Variants in PALLD observed in about 807,000 individuals in gnomAD.
PALLD encodes palladin, cytoskeletal associated protein, also known as palladin.
A neutral mutation model predicts 123.5 loss-of-function variants in PALLD; 61 were observed. The observed-to-expected ratio is 0.49, with a 90% CI of 0.40 to 0.61. The LOEUF is 0.61. PALLD is among the 20% of genes least tolerant of loss of function. PALLD has a pLI of 0.00. For missense variants in PALLD, 1,273 were observed against 1,377.0 expected (o/e 0.92, Z 1.20); for synonymous variants, 465 against 496.4 (o/e 0.94, Z 0.84).
At chr4:168,924,441 C>T (rs763955354) in intron 19 of PALLD, 21 bp downstream of exon 19, 1 of 1,604,886 alleles carries the variant, frequency 6.2e-7, no homozygotes, top group Non-Finnish European at 8.5e-7. Context: ...ACAATGAGAA[C>T]CTGATCCTTA....
At chr4:168,640,585 T>A (rs1240890860) in intron 2 of PALLD, among the ~76,000 whole-genome samples, 1 of 152,232 alleles carries the variant, frequency 6.6e-6, no homozygotes, top group African/African-American at 2.4e-5. Flanking sequence ...ATGGGTAGAT[T>A]CAGAGATAAC....
At chr4:168,705,475 A>T (rs764082997) in intron 8 of PALLD, among the ~76,000 whole-genome samples, 34 of 152,286 alleles carry the variant, frequency 2.2e-4, no homozygotes, top group Middle Eastern at 3.4e-3. Context: ...AAGTCTTTCC[A>T]TTCATTTAAC....
At chr4:168,580,453 A>G (rs975103567) in intron 2 of PALLD, among the ~76,000 whole-genome samples, 4 of 152,106 alleles carry the variant, frequency 2.6e-5, no homozygotes, top group African/African-American at 9.7e-5. Context: ...CAGAATGGCT[A>G]CTATAACAGA....
At chr4:168,686,621 G>A (rs1030969924) in intron 6 of PALLD, 3 of 152,424 alleles carry the variant, frequency 2.0e-5, no homozygotes, top group African/African-American at 4.8e-5. Context: ...AATATGGAAC[G>A]CTTCACGAAT....
chr4:168,581,340 A>C (rs1017302923), intron 2 of PALLD, among the ~76,000 whole-genome samples: 1 of 151,724 alleles, frequency 6.6e-6, no homozygotes, highest in Admixed American at 6.6e-5. Context: ...TGTTTTCCAT[A>C]ATGGCTGCAC....
At chr4:168,630,928 T>C (rs922255900) in intron 2 of PALLD, among the ~76,000 whole-genome samples, 17 of 152,138 alleles carry the variant, frequency 1.1e-4, no homozygotes, top group Non-Finnish European at 2.1e-4. Context: ...GGTAACTGAG[T>C]CACTATGACA....
Position 168,711,604 on chromosome 4 carries a change from G to A in PALLD, c.1645G>A (p.Glu549Lys), listed in dbSNP as rs766982657. 37 of 1,613,548 alleles carry A rather than the reference G, an allele frequency of 2.3e-5. No homozygotes were observed. In the East Asian group the frequency reaches 6.9e-4, roughly 30 times the overall value. ...TSANTENCSY[E>K]SMGESNNDHF... ...AGCCAACACTGAAAACTGTAGTTACGAGTCAATGGGAGAATCCAACAATGA... is the reference window on the plus strand; with the variant it reads ...AGCCAACACTGAAAACTGTAGTTACAAGTCAATGGGAGAATCCAACAATGA... Residue 549 changes from glutamate (E) to lysine (K), a missense_variant, in exon 10 of 22, where the codon GAG (glutamate) becomes AAG (lysine). This residue lies in a region of PALLD where 944 missense variants were observed against 954.5 expected (regional missense o/e 0.99). Transcript: ENST00000505667.
intron 2 of PALLD, among the ~76,000 whole-genome samples, chr4:168,593,420 A>T (rs953747350): frequency 2.5e-5 from 3 of 122,316 alleles, no homozygotes; most frequent in African/African-American, 1.0e-4. Flanking sequence ...TAGTAAAGAC[A>T]CTACCAGTCA....
chr4:168,526,547 C>A (rs1764066272), intron 2 of PALLD, among the ~76,000 whole-genome samples: 3 of 152,302 alleles, frequency 2.0e-5, no homozygotes, highest in South Asian at 2.1e-4. Flanking sequence ...TGTCCTCTTG[C>A]CTCACTTTCT....
intron 10 of PALLD, among the ~76,000 whole-genome samples, chr4:168,713,745 G>T (rs1443037310): frequency 6.6e-6 from 1 of 150,778 alleles, no homozygotes; most frequent in Non-Finnish European, 1.5e-5. Flanking sequence ...GATAAAATAT[G>T]AATATATATA....
At chr4:168,768,599 A>G (rs1733992276) in intron 10 of PALLD, among the ~76,000 whole-genome samples, 1 of 152,240 alleles carries the variant, frequency 6.6e-6, no homozygotes. Flanking sequence ...CATAGACCCA[A>G]TTTATTTTTG....
intron 10 of PALLD, among the ~76,000 whole-genome samples, chr4:168,747,235 C>G (rs1730445639): frequency 1.3e-5 from 2 of 152,298 alleles, no homozygotes; most frequent in South Asian, 2.1e-4. Flanking sequence ...AAGGGTAGAT[C>G]ACTTGCCACC....
At chr4:168,628,326 C>T (rs184233270) in intron 2 of PALLD, among the ~76,000 whole-genome samples, 14 of 152,282 alleles carry the variant, frequency 9.2e-5, no homozygotes, top group South Asian at 4.1e-4. Context: ...TCATCGTGTC[C>T]GTCCTCTTCT....
intron 1 of PALLD, among the ~76,000 whole-genome samples, chr4:168,508,988 T>C (rs1762279196): frequency 6.6e-6 from 1 of 152,124 alleles, no homozygotes; most frequent in Non-Finnish European, 1.5e-5. Context: ...CGTTTTGCAA[T>C]ATACAAAATG....
chr4:168,577,709 G>C (rs1769771735), intron 2 of PALLD, among the ~76,000 whole-genome samples: 1 of 151,814 alleles, frequency 6.6e-6, no homozygotes, highest in Non-Finnish European at 1.5e-5. Context: ...GACTCTTGGA[G>C]GACCCAAGAG....
chr4:168,712,402 T>C, intron 10 of PALLD: 1 of 214,842 alleles, frequency 4.7e-6, no homozygotes, highest in Admixed American at 5.2e-5. Context: ...GGCAGGGCAA[T>C]GAAACTGGAG....
rs182407798 is a variant in PALLD, at chr4:168,721,737, T to C, written c.1964+9814T>C. 7.9e-5 allele frequency among the ~76,000 whole-genome samples: 12 copies of C among 152,338 alleles called. No homozygotes were observed. The East Asian group carries it at 2.1e-3, about 27-fold the overall frequency. On this transcript the variant is annotated intron_variant, in intron 10 of 21. Coordinates refer to ENST00000505667, the MANE Select transcript of PALLD (RefSeq NM_001166108.2). ...ATCATGGATGCTTCTTGTTAAATAATAGTTGCTTGCTAAGTAAGCTTAATT... is the reference window on the plus strand; with the variant it reads ...ATCATGGATGCTTCTTGTTAAATAACAGTTGCTTGCTAAGTAAGCTTAATT...
At chr4:168,754,763 C>T (rs1731550142) in intron 10 of PALLD, among the ~76,000 whole-genome samples, 1 of 152,152 alleles carries the variant, frequency 6.6e-6, no homozygotes, top group African/African-American at 2.4e-5. Flanking sequence ...CAAAGAATGC[C>T]TAGTGTGCAT....
rs572504778 is a variant in PALLD at position 168,902,506 on chromosome 4, G to T, written c.2473-1251G>T. Among the ~76,000 whole-genome samples the T allele has an allele frequency of 5.7e-4, 87 of 152,202 alleles. 1 individual carries two copies. The highest frequency in any genetic ancestry group is 2.1e-3 in the African/African-American group (86 of 41,500). ...ATAATAATGAACTTAGCCAGGCATG[G>T]TGGCTCACACTTGTAATCCCAGCTA... On this transcript the variant is annotated intron_variant, in intron 14 of 21. Transcript: ENST00000505667.
Sources: allele counts gnomAD v4.1 joint callset (sites outside exome capture counted in the v4.1 genomes callset), GRCh38; gene constraint gnomAD v4.1.1; regional missense constraint gnomAD v4.1.1; transcripts MANE v1.5; gene names NCBI Gene and HGNC (gene_info 2026-07-23, HGNC 2026-07-21).